NR5A2: variants seen among roughly 807,000 people sequenced by gnomAD.
The protein encoded by NR5A2 is nuclear receptor subfamily 5 group A member 2, also known as CYP7A promoter-binding factor.
A neutral mutation model predicts 62.7 loss-of-function variants in NR5A2; 26 were observed. That is an observed-to-expected ratio of 0.41 (90% CI 0.30 to 0.58). NR5A2 has a LOEUF of 0.58. Among genes scored for constraint, NR5A2 ranks in the 20% least tolerant of loss-of-function variants. The pLI is 0.22. For synonymous variants in NR5A2, 246 were observed against 241.7 expected, an observed-to-expected ratio of 1.02 and a Z score of -0.16; for missense variants, 541 against 669.1, an observed-to-expected ratio of 0.81 and a Z score of 2.11.
At chr1:200,114,624 A>C (rs1375050906) in intron 6 of NR5A2, among the ~76,000 whole-genome samples, 2 of 152,208 alleles carry the variant, frequency 1.3e-5, no homozygotes, top group Non-Finnish European at 2.9e-5. Flanking sequence ...TTGCAGTAGG[A>C]ATTACAGGAA....
At chr1:200,046,328 T>A (rs1662361739) in intron 4 of NR5A2, among the ~76,000 whole-genome samples, 1 of 152,238 alleles carries the variant, frequency 6.6e-6, no homozygotes, top group Admixed American at 6.5e-5. Flanking sequence ...ATGTGACTGC[T>A]GTAAATAATT....
intron 4 of NR5A2, 85 bp downstream of exon 4, chr1:200,045,669 C>T: frequency 8.9e-7 from 1 of 1,124,052 alleles, no homozygotes; most frequent in Non-Finnish European, 1.2e-6. Flanking sequence ...AGCATGGTAA[C>T]ATTATTTTCC....
rs1018901056 is a variant in NR5A2 at position 200,177,033 on chromosome 1, T to A, written c.*2823T>A. On this transcript the variant is annotated 3_prime_UTR_variant, in exon 8 of 8. Coordinates refer to ENST00000367362, the MANE Select transcript of NR5A2 (RefSeq NM_205860.3). ...ACAGCCAGCGTCTGTTCACCCAAGG[T>A]TGACAAGTGAAGTTTCTCTAATGTT... 3 of 152,192 alleles carry A rather than the reference T, an allele frequency of 2.0e-5. No homozygotes were observed. In the East Asian group the frequency reaches 5.8e-4, roughly 29 times the overall value. 9.4% of individuals were successfully genotyped at this position (152,192 alleles called of 1,614,324 possible).
intron 2 of NR5A2, among the ~76,000 whole-genome samples, chr1:200,040,708 G>C (rs1364746669): frequency 6.6e-6 from 1 of 152,228 alleles, no homozygotes; most frequent in African/African-American, 2.4e-5. Flanking sequence ...ATCCCGGAAC[G>C]CTTCCTGCCA....
intron 5 of NR5A2, among the ~76,000 whole-genome samples, chr1:200,068,014 T>G (rs142742441): frequency 5.1e-4 from 77 of 152,350 alleles, no homozygotes; most frequent in African/African-American, 1.7e-3. Context: ...ATAGATGAAT[T>G]TCATCCGATG....
Position 200,160,723 on chromosome 1 carries a change from G to A in NR5A2, c.1379-13240G>A, listed in dbSNP as rs546999477. Among the ~76,000 whole-genome samples the A allele has an allele frequency of 2.2e-3, 327 of 151,392 alleles. 1 individual carries two copies. Among genetic ancestry groups the A allele is most frequent in the African/African-American group, 7.5e-3 (311 of 41,200 alleles). ...TTAGCTGGAAAGCTGAATTTATCCC[G>A]AGGCAAACCAGACATCTAGTATGGG... On this transcript the variant is annotated intron_variant, in intron 7 of 7. Transcript: ENST00000367362.
intron 6 of NR5A2, among the ~76,000 whole-genome samples, chr1:200,117,911 A>G (rs1258691262): frequency 2.0e-5 from 3 of 150,766 alleles, no homozygotes; most frequent in African/African-American, 7.3e-5. Flanking sequence ...ATGGGGTTTC[A>G]CCATGTTGGC....
rs553682480 is a variant in NR5A2 at position 200,094,595 on chromosome 1, C to T, written c.1111-16607C>T. The stretch of plus-strand genomic sequence containing the variant: ...TCGCCCAGGCTGGAGTGCAGTGGTT[C>T]GATCTCGGCTCACTGCAAGCTCTGC... On this transcript the variant is annotated intron_variant, in intron 5 of 7. Transcript: ENST00000367362. 2.2e-3 allele frequency among the ~76,000 whole-genome samples: 253 copies of T among 116,322 alleles called. 2 individuals are homozygous for T. In the Middle Eastern group the frequency reaches 0.045, roughly 21 times the overall value. 76.3% of individuals were successfully genotyped at this position (116,322 alleles called of 152,430 possible). A position where few individuals can be genotyped will look rare whatever the true frequency, so the allele number is the denominator to read the frequency against.
intron 7 of NR5A2, among the ~76,000 whole-genome samples, chr1:200,133,955 G>A (rs1667102084): frequency 6.6e-6 from 1 of 150,978 alleles, no homozygotes; most frequent in African/African-American, 2.4e-5. Context: ...TAGGCTTAGA[G>A]GCTAATGTGT....
chr1:200,060,350 G>A (rs191517366), intron 5 of NR5A2, among the ~76,000 whole-genome samples: 25 of 152,240 alleles, frequency 1.6e-4, no homozygotes, highest in East Asian at 3.9e-4. Context: ...CAAGAGAAAC[G>A]GTTAAATAGA....
At chr1:200,101,431 T>G (rs1253506080) in intron 5 of NR5A2, among the ~76,000 whole-genome samples, 1 of 152,196 alleles carries the variant, frequency 6.6e-6, no homozygotes, top group Non-Finnish European at 1.5e-5. Context: ...GCTATGAAGT[T>G]TGTCAATACA....
At position 200,034,635 on chromosome 1, in the gene NR5A2, A is replaced by T. The variant is rs143257382; in HGVS notation, c.65-5023A>T. On this transcript the variant is annotated intron_variant, in intron 1 of 7. Transcript: ENST00000367362. ...GGGGGGTAGGTTGGATTACCCAGAT[A>T]ATTGCTTCGGCTTTCGTTTTCCTCC... 9.6e-4 allele frequency among the ~76,000 whole-genome samples: 146 copies of T among 151,500 alleles called. 1 individual carries two copies. The highest frequency in any genetic ancestry group is 3.2e-3 in the African/African-American group (133 of 41,236).
At chr1:200,052,765 C>T (rs1662701075) in intron 5 of NR5A2, among the ~76,000 whole-genome samples, 1 of 152,068 alleles carries the variant, frequency 6.6e-6, no homozygotes, top group Non-Finnish European at 1.5e-5. Context: ...CCTCAGCCTC[C>T]TGAGTAGCTG....
intron 4 of NR5A2, among the ~76,000 whole-genome samples, chr1:200,046,031 T>G (rs931207324): frequency 6.6e-6 from 1 of 152,216 alleles, no homozygotes; most frequent in Admixed American, 6.5e-5. Context: ...AAGTGTTAAC[T>G]ACTAATTTCA....
chr1:200,043,747 G>A (rs776543127), intron 2 of NR5A2, 27 bp from the exon 3 acceptor site: 4 of 1,405,458 alleles, frequency 2.8e-6, no homozygotes, highest in African/African-American at 1.4e-5. Context: ...AATTGAATAT[G>A]TGTATACATT....
In NR5A2 at chr1:200,174,102, C is replaced by T. The variant is rs565841747; in HGVS notation, c.1518C>T (p.Ile506=). 1.9e-6 allele frequency: 3 copies of T among 1,613,884 alleles called. No individual in the cohort carries two copies. The South Asian group carries it at 3.3e-5, about 18-fold the overall frequency. Residue 506 remains isoleucine (I), a synonymous_variant, in exon 8 of 8, where the codon ATC becomes ATT. Coordinates refer to ENST00000367362, the MANE Select transcript of NR5A2 (RefSeq NM_205860.3). ...FGQLLLRLPE[I]RAISMQAEEY... ...AGCTACTTCTTCGACTACCCGAAAT[C>T]CGGGCCATCAGTATGCAGGCTGAAG...
chr1:200,164,087 C>G (rs986877968), intron 7 of NR5A2, among the ~76,000 whole-genome samples: 1 of 152,138 alleles, frequency 6.6e-6, no homozygotes, highest in Non-Finnish European at 1.5e-5. Flanking sequence ...CACATACTCT[C>G]TCTCTCTGGC....
At position 200,147,675 on chromosome 1, in the gene NR5A2, A is replaced by T; in HGVS notation, c.1379-26288A>T. On this transcript the variant is annotated intron_variant, in intron 7 of 7. Coordinates refer to ENST00000367362, the MANE Select transcript of NR5A2 (RefSeq NM_205860.3). The surrounding 1 kb of genome is among the most constrained non-coding windows in gnomAD (Gnocchi z 4.9). ...AGTTGAAGTCGGACACGTGGAAGACATGGGTGGACTTGGGCTCCGAGGCGA... is the reference window on the plus strand; with the variant it reads ...AGTTGAAGTCGGACACGTGGAAGACTTGGGTGGACTTGGGCTCCGAGGCGA... 1.4e-6 allele frequency: 1 copy of T among 691,892 alleles called. No homozygotes were observed. Among genetic ancestry groups the T allele is most frequent in the Non-Finnish European group, 2.7e-6 (1 of 365,994 alleles). The allele number at this position is 691,892 out of a possible 1,614,324, so 42.9% of individuals were successfully genotyped here. A position where few individuals can be genotyped will look rare whatever the true frequency, so the allele number is the denominator to read the frequency against.
intron 1 of NR5A2, chr1:200,028,971 T>C (rs1446873012): frequency 2.5e-6 from 1 of 395,752 alleles, no homozygotes; most frequent in Admixed American, 2.8e-5. Context: ...TGTTCTATAC[T>C]TACGAAAAAG....
Sources: allele counts gnomAD v4.1 joint callset (sites outside exome capture counted in the v4.1 genomes callset), GRCh38; gene constraint gnomAD v4.1.1; non-coding constraint Gnocchi (gnomAD v3.1); transcripts MANE v1.5; gene names NCBI Gene and HGNC (gene_info 2026-07-23, HGNC 2026-07-21).